DHRS12: variants seen among roughly 807,000 people sequenced by gnomAD.
The protein encoded by DHRS12 is dehydrogenase/reductase SDR family member 12.
In DHRS12, 29 loss-of-function variants were observed where a neutral mutation model predicts 32.1. The ratio of observed to expected loss-of-function variants is 0.90; its 90% CI spans 0.67 to 1.23. The LOEUF (loss-of-function observed/expected upper bound fraction) is 1.23. Among genes scored for constraint, DHRS12 ranks in the 50% most tolerant of loss-of-function variants. DHRS12 has a pLI of 0.00. For missense variants in DHRS12, 330 were observed against 337.2 expected (o/e 0.98, Z 0.17); for synonymous variants, 150 against 135.9 (o/e 1.10, Z -0.72).
chr13:51,762,445 C>T, the DHRS12 span: 6 of 152,240 alleles, frequency 3.9e-5, no homozygotes, highest in African/African-American at 1.4e-4. Flanking sequence ...GTCAAGGTAT[C>T]CATTGCTCTT....
At chr13:51,774,094 C>G (rs1954187200) in intron 5 of DHRS12, 60 bp from the exon 6 acceptor site, 1 of 1,498,250 alleles carries the variant, frequency 6.7e-7, no homozygotes, top group Admixed American at 1.7e-5. Context: ...CACTCTTCAC[C>G]CCCTGTAGAG....
At chr13:51,755,302 T>A in the DHRS12 span, 1 of 1,536,304 alleles carries the variant, frequency 6.5e-7, no homozygotes, top group Non-Finnish European at 9.0e-7. Context: ...GGGTCAGTGG[T>A]TTCCATTGTC....
intron 2 of DHRS12, among the ~76,000 whole-genome samples, chr13:51,795,590 T>A (rs1182365921): frequency 6.6e-6 from 1 of 152,086 alleles, no homozygotes; most frequent in Non-Finnish European, 1.5e-5. Flanking sequence ...AGGTGAGAAC[T>A]CAACCAGGAT....
intron 7 of DHRS12, chr13:51,771,354 C>T (rs1045144634): frequency 6.2e-7 from 1 of 1,612,308 alleles, no homozygotes; most frequent in African/African-American, 1.3e-5. Flanking sequence ...TCCACCGCTG[C>T]TCCAACACGC....
At position 51,802,209 on chromosome 13, in the gene DHRS12, ACACACACAC is replaced by A. The variant is rs1363084867; in HGVS notation, c.-9+1836_-9+1844del. ...CACACACACACACACACACACACAC[ACACACACAC>A]GACTTTCCCAAGGTCACCAGAAGGT... On this transcript the variant is annotated intron_variant, in intron 1 of 8. Transcript: ENST00000444610. Among the ~76,000 whole-genome samples, 785 of 104,020 alleles carry A rather than the reference ACACACACAC, an allele frequency of 7.5e-3. 12 individuals carry two copies. Among genetic ancestry groups the A allele is most frequent in the East Asian group, 0.074 (228 of 3,094 alleles). The allele number at this position is 104,020 out of a possible 152,430, so 68.2% of individuals were successfully genotyped here. A position where few individuals can be genotyped will look rare whatever the true frequency, so the allele number is the denominator to read the frequency against.
chr13:51,770,028 G>A (rs1251615033), intron 7 of DHRS12, among the ~76,000 whole-genome samples: 2 of 152,150 alleles, frequency 1.3e-5, no homozygotes, highest in Admixed American at 6.5e-5. Context: ...GTTCTCTCTC[G>A]AAGCCAAGGA....
intron 1 of DHRS12, among the ~76,000 whole-genome samples, chr13:51,801,760 T>A (rs1045672896): frequency 2.6e-5 from 4 of 151,922 alleles, no homozygotes; most frequent in African/African-American, 9.7e-5. Flanking sequence ...CCAAATACAA[T>A]AGAGCCAGAA....
chr13:51,777,349 C>T, intron 4 of DHRS12: 1 of 572,578 alleles, frequency 1.7e-6, no homozygotes, highest in Non-Finnish European at 3.1e-6. Flanking sequence ...GAAAAGATGT[C>T]CACACTACAG....
chr13:51,767,705 A>C (rs1158514583), downstream of DHRS12: 1 of 150,192 alleles, frequency 6.7e-6, no homozygotes, highest in Non-Finnish European at 1.4e-5. Flanking sequence ...GTTTGTGTAA[A>C]TATGCATCGT....
chr13:51,799,817 C>G (rs1955670313), intron 1 of DHRS12, 150 bp from the exon 2 acceptor site: 1 of 840,452 alleles, frequency 1.2e-6, no homozygotes, highest in Admixed American at 2.7e-5. Context: ...GCCCTCCCTG[C>G]TCTCACAAAC....
chr13:51,789,478 G>A, intron 4 of DHRS12: 1 of 904,352 alleles, frequency 1.1e-6, no homozygotes, highest in Non-Finnish European at 1.3e-6. Context: ...ATCTAAGAAT[G>A]TGCATGTCTA....
downstream of DHRS12, chr13:51,764,230 G>A (rs566334284): frequency 6.6e-6 from 1 of 152,330 alleles, no homozygotes; most frequent in East Asian, 1.9e-4. Context: ...CAAGGTGTCT[G>A]AGGCCCATTC....
chr13:51,768,336 G>C, intron 8 of DHRS12, 40 bp from the exon 9 acceptor site: 1 of 1,534,580 alleles, frequency 6.5e-7, no homozygotes, highest in Non-Finnish European at 8.7e-7. Context: ...GTGAGCTGCT[G>C]CAGCGTGGCT....
chr13:51,777,182 G>T lies in DHRS12; in HGVS notation c.302-61C>A, dbSNP rs528551526. 1.9e-3 allele frequency: 2,993 copies of T among 1,596,324 alleles called. 5 individuals are homozygous for T. Among genetic ancestry groups the T allele is most frequent in the Non-Finnish European group, 2.4e-3 (2,838 of 1,165,000 alleles). On this transcript the variant is annotated intron_variant, in intron 4 of 8. Coordinates refer to ENST00000444610, the MANE Select transcript of DHRS12 (RefSeq NM_001377533.1). The stretch of plus-strand genomic sequence containing the variant: ...AGGAAGCCCCAACTCAAGGGGTCCT[G>T]CAGGACTGATGTGGGGACTGTCTGC...
chr13:51,799,484 C>T (rs759701190), intron 2 of DHRS12, 50 bp downstream of exon 2: 22 of 1,606,752 alleles, frequency 1.4e-5, no homozygotes, highest in Middle Eastern at 2.2e-4. Context: ...GTGGACCGGC[C>T]GCAGTCTGGC....
At chr13:51,768,703 T>C in intron 8 of DHRS12, 1 of 1,126,266 alleles carries the variant, frequency 8.9e-7, no homozygotes, top group Non-Finnish European at 1.1e-6. Context: ...TGGCGTCCAC[T>C]CACACGCCTG....
In DHRS12 at chr13:51,768,461, C is replaced by T; in HGVS notation, c.698-165G>A. On this transcript the variant is annotated intron_variant, in intron 8 of 8. Coordinates refer to ENST00000444610, the MANE Select transcript of DHRS12 (RefSeq NM_001377533.1). ...CAAAGGTCCCACAGGGATCAGGCAG[C>T]ATGGATTGATATGTAAAGTGCAGTT... is the stretch of plus-strand genomic sequence containing the variant. 3 of 1,441,978 alleles carry T rather than the reference C, an allele frequency of 2.1e-6. No homozygotes were observed. The South Asian group carries it at 4.4e-5, about 21-fold the overall frequency. The allele number at this position is 1,441,978 out of a possible 1,614,324, so 89.3% of individuals were successfully genotyped here.
chr13:51,777,015 G>A (rs752979990), intron 5 of DHRS12, 45 bp downstream of exon 5: 3 of 1,611,400 alleles, frequency 1.9e-6, no homozygotes, highest in Non-Finnish European at 2.5e-6. Context: ...TTCCCATCAG[G>A]AGCAAAGTCC....
chr13:51,792,919 C>A (rs1233794694), intron 2 of DHRS12, among the ~76,000 whole-genome samples: 1 of 151,940 alleles, frequency 6.6e-6, no homozygotes, highest in East Asian at 1.9e-4. Flanking sequence ...GGGTTTCCTG[C>A]TGCTGATCTT....
Sources: gnomAD v4.1 joint callset for allele counts (sites outside exome capture counted in the v4.1 genomes callset) on GRCh38, gnomAD v4.1.1 for gene constraint, MANE v1.5 for transcripts, NCBI Gene and HGNC (gene_info 2026-07-23, HGNC 2026-07-21) for gene names.